Variants in SH3GL2 observed in about 807,000 individuals in gnomAD.
SH3GL2 encodes endophilin-A1.
A neutral mutation model predicts 46.0 loss-of-function variants in SH3GL2; 24 were observed. The observed-to-expected ratio is 0.52, with a 90% CI of 0.38 to 0.73. The LOEUF is 0.73. Among genes scored for constraint, SH3GL2 ranks in the 30% least tolerant of loss-of-function variants. SH3GL2 has a pLI of 0.00. For missense variants in SH3GL2, 413 were observed against 424.2 expected, an observed-to-expected ratio of 0.97 and a Z score of 0.23; for synonymous variants, 196 against 147.1, an observed-to-expected ratio of 1.33 and a Z score of -2.40.
At chr9:17,724,454 G>A (rs1264162588) in intron 1 of SH3GL2, among the ~76,000 whole-genome samples, 1 of 151,988 alleles carries the variant, frequency 6.6e-6, no homozygotes, top group Non-Finnish European at 1.5e-5. Context: ...GACTACTGCC[G>A]AGCCATATCT....
chr9:17,663,393 T>A (rs997251570), intron 1 of SH3GL2, among the ~76,000 whole-genome samples: 2 of 152,244 alleles, frequency 1.3e-5, no homozygotes, highest in Admixed American at 6.5e-5. Context: ...TAAAATTTTT[T>A]AAAATTATTT....
intron 1 of SH3GL2, among the ~76,000 whole-genome samples, chr9:17,736,028 TC>T: frequency 6.6e-6 from 1 of 152,038 alleles, no homozygotes; most frequent in East Asian, 1.9e-4. Flanking sequence ...TTGGGGTATC[TC>T]CAGGAAGTCA....
At chr9:17,648,231 T>C (rs551979527) in intron 1 of SH3GL2, among the ~76,000 whole-genome samples, 1 of 152,288 alleles carries the variant, frequency 6.6e-6, no homozygotes, top group Non-Finnish European at 1.5e-5. Context: ...CTAATCTCCA[T>C]GTTGTTCAAG....
chr9:17,599,894 A>G (rs1289827608), intron 1 of SH3GL2, among the ~76,000 whole-genome samples: 4 of 151,818 alleles, frequency 2.6e-5, no homozygotes, highest in African/African-American at 7.3e-5. Flanking sequence ...ACCTATTGAT[A>G]ATAAACCCAT....
intron 1 of SH3GL2, among the ~76,000 whole-genome samples, chr9:17,641,782 G>C (rs1017066464): frequency 3.3e-5 from 5 of 151,956 alleles, no homozygotes; most frequent in Non-Finnish European, 5.9e-5. Context: ...ATCCTTTTTT[G>C]TGGCTGCATA....
chr9:17,742,870 C>T (rs1419557409), intron 1 of SH3GL2, among the ~76,000 whole-genome samples: 1 of 151,594 alleles, frequency 6.6e-6, no homozygotes, highest in African/African-American at 2.4e-5. Context: ...TTGGATGATA[C>T]AGGGGGACAT....
chr9:17,579,778 T>C (rs1818243063), intron 1 of SH3GL2, among the ~76,000 whole-genome samples: 1 of 152,132 alleles, frequency 6.6e-6, no homozygotes, highest in Non-Finnish European at 1.5e-5. Context: ...CCTTACCCTG[T>C]TGTCAGAACC....
At chr9:17,699,366 AC>A (rs896341324) in intron 1 of SH3GL2, among the ~76,000 whole-genome samples, 3 of 152,140 alleles carry the variant, frequency 2.0e-5, no homozygotes, top group African/African-American at 7.2e-5. Flanking sequence ...ATTTTTCCAA[AC>A]TAAATTAAAT....
intron 1 of SH3GL2, among the ~76,000 whole-genome samples, chr9:17,609,225 C>T (rs773552379): frequency 1.3e-4 from 19 of 151,962 alleles, no homozygotes; most frequent in Non-Finnish European, 1.6e-4. Context: ...TGATAGCTTG[C>T]CCAAGATCAG....
intron 1 of SH3GL2, among the ~76,000 whole-genome samples, chr9:17,622,810 G>A (rs3808749): frequency 0.032 from 4,844 of 152,150 alleles, 79 homozygotes; most frequent in African/African-American, 0.048. Context: ...TGGTCACTCC[G>A]TTGGCAGGGT....
At chr9:17,617,396 G>T (rs1819029244) in intron 1 of SH3GL2, among the ~76,000 whole-genome samples, 1 of 152,128 alleles carries the variant, frequency 6.6e-6, no homozygotes, top group African/African-American at 2.4e-5. Context: ...ACCCTCCTCA[G>T]GGAAATAGGC....
At chr9:17,683,943 A>T (rs1350100810) in intron 1 of SH3GL2, among the ~76,000 whole-genome samples, 1 of 152,090 alleles carries the variant, frequency 6.6e-6, no homozygotes, top group Non-Finnish European at 1.5e-5. Context: ...CCCCACACTT[A>T]AGATTAGCAG....
chr9:17,601,357 G>A (rs944257946), intron 1 of SH3GL2, among the ~76,000 whole-genome samples: 6 of 152,098 alleles, frequency 3.9e-5, no homozygotes, highest in African/African-American at 1.4e-4. Context: ...CTTAGAAGCA[G>A]CTTGCTGCTT....
intron 2 of SH3GL2, among the ~76,000 whole-genome samples, chr9:17,751,029 T>C (rs145068144): frequency 1.3e-5 from 2 of 152,332 alleles, no homozygotes; most frequent in East Asian, 3.9e-4. Context: ...TCCCTGATTA[T>C]GTGGTTAATT....
chr9:17,585,572 G>A (rs1456410115), intron 1 of SH3GL2, among the ~76,000 whole-genome samples: 1 of 152,166 alleles, frequency 6.6e-6, no homozygotes, highest in Non-Finnish European at 1.5e-5. Flanking sequence ...GGACACGTGG[G>A]GTGGAGGTGA....
At chr9:17,739,835 C>G (rs564282208) in intron 1 of SH3GL2, among the ~76,000 whole-genome samples, 59 of 152,100 alleles carry the variant, frequency 3.9e-4, no homozygotes, top group African/African-American at 1.3e-3. Flanking sequence ...AATTTTTCAC[C>G]TCGGGGAAAT....
At chr9:17,711,885 A>G (rs1013094902) in intron 1 of SH3GL2, among the ~76,000 whole-genome samples, 18 of 151,806 alleles carry the variant, frequency 1.2e-4, no homozygotes, top group Admixed American at 2.6e-4. Context: ...TAAAAACAGT[A>G]CTCAACAGTT....
intron 1 of SH3GL2, among the ~76,000 whole-genome samples, chr9:17,597,582 CTT>C (rs1818597769): frequency 6.6e-6 from 1 of 151,770 alleles, no homozygotes; most frequent in African/African-American, 2.4e-5. Context: ...CATAATTGAA[CTT>C]TGTTACTTAT....
chr9:17,767,202 G>T (rs958621057), intron 3 of SH3GL2, among the ~76,000 whole-genome samples: 9 of 152,124 alleles, frequency 5.9e-5, no homozygotes, highest in African/African-American at 2.2e-4. Flanking sequence ...ATGCCTATAT[G>T]GTCTAGATTT....
Sources: allele counts gnomAD v4.1 joint callset (sites outside exome capture counted in the v4.1 genomes callset), GRCh38; gene constraint gnomAD v4.1.1; transcripts MANE v1.5; gene names NCBI Gene and HGNC (gene_info 2026-07-23, HGNC 2026-07-21).